Variants in CNKSR1 observed in about 807,000 individuals in gnomAD.
CNKSR1 encodes the protein connector enhancer of kinase suppressor of Ras 1, also known as CNK homolog protein 1.
In CNKSR1, 88 loss-of-function variants were observed where a neutral mutation model predicts 95.6. That is an observed-to-expected ratio of 0.92 (90% CI 0.78 to 1.10). CNKSR1 has a LOEUF of 1.10. Ranked by LOEUF, CNKSR1 falls within the 50% of genes least tolerant of loss-of-function variation. The probability of loss-of-function intolerance (pLI) is 0.00; values close to 1 mark genes in which losing one functional copy is unlikely to be tolerated. For missense variants in CNKSR1, 836 were observed against 912.0 expected (o/e 0.92, Z 1.07); for synonymous variants, 355 against 369.7 (o/e 0.96, Z 0.46).
At chr1:26,182,317 G>A (rs1175898176) in intron 4 of CNKSR1, 44 bp from the exon 5 acceptor site, 1 of 1,604,054 alleles carries the variant, frequency 6.2e-7, no homozygotes. Context: ...TCCCCTTATG[G>A]CCCTTGCTCA....
At chr1:26,182,425 G>T (rs1338584939) in intron 5 of CNKSR1, 23 bp downstream of exon 5, 1 of 1,613,914 alleles carries the variant, frequency 6.2e-7, no homozygotes, top group Non-Finnish European at 8.5e-7. Flanking sequence ...GGTGGGAAGA[G>T]AGTGGGGGTA....
chr1:26,181,918 G>A lies in CNKSR1; in HGVS notation c.454G>A (p.Glu152Lys). The A allele has an allele frequency of 2.5e-6, 4 of 1,614,018 alleles. No homozygotes were observed. Among genetic ancestry groups the A allele is most frequent in the Non-Finnish European group, 1.7e-6 (2 of 1,179,910 alleles). ...ACQEIRDLLE[E>K]LSQVLHEDGP... ...CCAGGAGATCCGAGACTTGTTGGAG[G>A]AGCTGAGCCAGGTCTTGCATGAGGT... Residue 152 changes from glutamate (E) to lysine (K), a missense_variant, in exon 4 of 21, where the codon GAG becomes AAG. By Grantham distance (56) the Glu-to-Lys change is moderately conservative. Transcript: ENST00000361530.
intron 20 of CNKSR1, 126 bp from the exon 21 acceptor site, chr1:26,189,153 G>A: frequency 1.5e-6 from 2 of 1,343,220 alleles, no homozygotes; most frequent in Non-Finnish European, 2.1e-6. Flanking sequence ...GTCTCACCTA[G>A]GCTCCTCGTG....
In CNKSR1 at chr1:26,182,558, G is replaced by C. The variant is rs140239583; in HGVS notation, c.598G>C (p.Glu200Gln). ...KELLEQKAVL[E>Q]QVQLDSPLGL... ...GCTGCTGGAACAGAAGGCCGTGCTC[G>C]AGCAGGTGCAGCTGGACAGTCCATT... Residue 200 changes from glutamate (E) to glutamine (Q), a missense_variant, in exon 6 of 21, where the codon GAG becomes CAG. Physicochemically the swap from Glu to Gln is conservative, Grantham distance 29 (BLOSUM62 2). Coordinates refer to ENST00000361530, the MANE Select transcript of CNKSR1 (RefSeq NM_006314.3). 2 of 1,613,288 alleles carry C rather than the reference G, an allele frequency of 1.2e-6. No homozygotes were observed. Among genetic ancestry groups the C allele is most frequent in the South Asian group, 2.2e-5 (2 of 91,012 alleles).
At chr1:26,187,620 C>CTTTT (rs35307485) in intron 16 of CNKSR1, 138 bp downstream of exon 16, 33 of 463,626 alleles carry the variant, frequency 7.1e-5, no homozygotes, top group Non-Finnish European at 9.5e-5. Flanking sequence ...TTCTCTTTCT[C>CTTTT]TTTTTTTTTT....
intron 16 of CNKSR1, 129 bp from the exon 17 acceptor site, chr1:26,188,105 G>T: frequency 1.2e-6 from 1 of 801,284 alleles, no homozygotes; most frequent in South Asian, 1.4e-5. Context: ...TATAAAATGG[G>T]TGACTAAGAG....
Position 26,188,638 on chromosome 1 carries a change from C to CA in CNKSR1, c.1632dup (p.Ser545IlefsTer23), listed in dbSNP as rs780328571. On this transcript the variant is annotated frameshift_variant, in exon 19 of 21. Coordinates refer to ENST00000361530, the MANE Select transcript of CNKSR1 (RefSeq NM_006314.3). LOFTEE classifies it high-confidence loss of function. ...GCTGGGAGTCCCCTCCATGGAGACA[C>CA]ATCACCTGCAGCCACCCCCACACAG... 6.2e-7 allele frequency: 1 copy of CA among 1,613,882 alleles called. No individual in the cohort carries two copies. The highest frequency in any genetic ancestry group is 8.5e-7 in the Non-Finnish European group (1 of 1,179,910).
chr1:26,179,107 A>AT (rs1430414775), intron 1 of CNKSR1, among the ~76,000 whole-genome samples: 1 of 152,246 alleles, frequency 6.6e-6, no homozygotes, highest in African/African-American at 2.4e-5. Context: ...GCTCTTATAG[A>AT]TTTGCATAGC....
chr1:26,177,651 C>A, intron 1 of CNKSR1, 52 bp downstream of exon 1: 1 of 1,602,664 alleles, frequency 6.2e-7, no homozygotes, highest in Non-Finnish European at 8.5e-7. Flanking sequence ...GTGTGGTGTC[C>A]CACCGGGAAG....
chr1:26,180,873 C>T lies in CNKSR1; in HGVS notation c.369C>T (p.Asp123=), dbSNP rs113096800. 4.5e-5 allele frequency: 72 copies of T among 1,614,228 alleles called. 1 individual carries two copies. The highest frequency in any genetic ancestry group is 3.0e-4 in the Admixed American group (18 of 60,018). Residue 123 remains aspartate (D), a synonymous_variant, in exon 3 of 21, where the codon GAC becomes GAT. Transcript: ENST00000361530. ...CTGTGGAGCTGTTGCATGAAGCTGA[C>T]GCCCTCCTCTTCTGGCTCAGCAGGT... The part of the protein sequence containing the change: ...CAAVELLHEA[D]ALLFWLSRYL...
chr1:26,184,466 G>A lies in CNKSR1; in HGVS notation c.1066G>A (p.Gly356Arg). Residue 356 changes from glycine (G) to arginine (R), a missense_variant, in exon 12 of 21, where the codon GGG (glycine) becomes AGG (arginine). Transcript: ENST00000361530. ...GGAACCCCCAGCCATACTCCCAGCA[G>A]GGGTAGCAGGGACTCCAGGGCTCCC... is the stretch of plus-strand genomic sequence containing the variant. ...PPEPPAILPAGVAGTPGLPES... is the reference protein window; with the variant it reads ...PPEPPAILPARVAGTPGLPES... 1 of 1,613,386 alleles carries A rather than the reference G, an allele frequency of 6.2e-7. No homozygotes were observed. The highest frequency in any genetic ancestry group is 1.7e-5 in the Admixed American group (1 of 59,936).
chr1:26,187,116 GC>G (rs2088769535), intron 14 of CNKSR1, 51 bp from the exon 15 acceptor site: 2 of 1,423,066 alleles, frequency 1.4e-6, no homozygotes, highest in Admixed American at 3.3e-5. Context: ...AGCTGACTGG[GC>G]CTTGAGGGTA....
intron 13 of CNKSR1, 115 bp downstream of exon 13, chr1:26,184,727 C>A: frequency 7.8e-7 from 1 of 1,275,632 alleles, no homozygotes. Flanking sequence ...CTGGAAACAG[C>A]TCTGTTTCTA....
At chr1:26,177,913 G>A (rs2088588052) in intron 1 of CNKSR1, among the ~76,000 whole-genome samples, 1 of 152,130 alleles carries the variant, frequency 6.6e-6, no homozygotes, top group Admixed American at 6.5e-5. Context: ...GTTACAGTGA[G>A]CCGAGATTGC....
At chr1:26,186,234 G>T (rs1211164905) in intron 14 of CNKSR1, among the ~76,000 whole-genome samples, 2 of 152,244 alleles carry the variant, frequency 1.3e-5, no homozygotes, top group East Asian at 3.8e-4. Flanking sequence ...AAAGCTCAGG[G>T]GTGTGAAGCA....
At chr1:26,186,121 C>G (rs186635857) in intron 14 of CNKSR1, among the ~76,000 whole-genome samples, 3 of 152,158 alleles carry the variant, frequency 2.0e-5, no homozygotes, top group Non-Finnish European at 2.9e-5. Flanking sequence ...GCAGAGGTGT[C>G]CAGTCCATCC....
chr1:26,188,723 G>A, intron 19 of CNKSR1, 26 bp downstream of exon 19: 3 of 1,612,324 alleles, frequency 1.9e-6, no homozygotes, highest in Non-Finnish European at 2.5e-6. Flanking sequence ...TGGGAGCTGG[G>A]CTGGGGGCTG....
At chr1:26,177,699 G>A (rs2088584120) in intron 1 of CNKSR1, 100 bp downstream of exon 1, 1 of 1,390,282 alleles carries the variant, frequency 7.2e-7, no homozygotes, top group Non-Finnish European at 1.0e-6. Context: ...CTGCGGACTG[G>A]GTGCGCTGGT....
Position 26,189,018 on chromosome 1 carries a change from C to T in CNKSR1, c.1872+65C>T, listed in dbSNP as rs1354675772. 4 of 1,555,628 alleles carry T rather than the reference C, an allele frequency of 2.6e-6. No homozygotes were observed. The Admixed American group carries it at 7.1e-5, about 28-fold the overall frequency. On this transcript the variant is annotated intron_variant, in intron 20 of 20. Transcript: ENST00000361530. ...CTGGGCTTCAGGCTTTGGTTTGCGG[C>T]TGTCACCTCCACCCTGGGCACCAGA...
Sources: gnomAD v4.1 joint callset for allele counts (sites outside exome capture counted in the v4.1 genomes callset) on GRCh38, gnomAD v4.1.1 for gene constraint, MANE v1.5 for transcripts, NCBI Gene and HGNC (gene_info 2026-07-23, HGNC 2026-07-21) for gene names.